The following CPM variants were observed in gnomAD, a reference collection of about 807,000 sequenced individuals.
CPM encodes the protein carboxypeptidase M.
A neutral mutation model predicts 46.4 loss-of-function variants in CPM; 35 were observed. That is an observed-to-expected ratio of 0.75 (90% CI 0.58 to 1.00). The LOEUF is 1.00. CPM is among the 50% of genes least tolerant of loss of function. CPM has a pLI of 0.00. For synonymous variants in CPM, 195 were observed against 195.3 expected (o/e 1.00, Z 0.01); for missense variants, 422 against 530.4 (o/e 0.80, Z 2.01).
chr12:68,877,426 G>A (rs375502560), intron 3 of CPM, among the ~76,000 whole-genome samples: 1 of 152,154 alleles, frequency 6.6e-6, no homozygotes, highest in Non-Finnish European at 1.5e-5. Context: ...ATTCACATGA[G>A]GACTTAAGGT....
chr12:68,909,785 C>G (rs572116571), intron 2 of CPM, among the ~76,000 whole-genome samples: 4 of 134,832 alleles, frequency 3.0e-5, no homozygotes, highest in South Asian at 4.7e-4. Context: ...AGTTGAACAA[C>G]GAGAACACAT....
chr12:68,931,545 C>A (rs1888499961), intron 2 of CPM, among the ~76,000 whole-genome samples: 1 of 151,694 alleles, frequency 6.6e-6, no homozygotes, highest in African/African-American at 2.4e-5. Flanking sequence ...GAGTTTGAGA[C>A]CAGCCTGGCC....
chr12:68,866,887 T>G lies in CPM; in HGVS notation c.940+9A>C, dbSNP rs1885473359. 1 of 1,607,238 alleles carries G rather than the reference T, an allele frequency of 6.2e-7. No individual in the cohort carries two copies. The highest frequency in any genetic ancestry group is 2.2e-5 in the East Asian group (1 of 44,830). On this transcript the variant is annotated intron_variant, in intron 7 of 8. Coordinates refer to ENST00000551568, the MANE Select transcript of CPM (RefSeq NM_198320.5). ...ATTAATAGGGAATTAATAAGAAAAT[T>G]TTACAAACCTAGGTGCACCTGCTTT...
downstream of CPM, chr12:68,847,140 TATATTAC>T (rs1423269966): frequency 1.2e-4 from 13 of 112,214 alleles, no homozygotes; most frequent in African/African-American, 4.6e-4. Flanking sequence ...ATAATATACA[TATATTAC>T]ATATATATAT....
At chr12:68,906,796 T>A (rs1467804254) in intron 2 of CPM, among the ~76,000 whole-genome samples, 3 of 152,236 alleles carry the variant, frequency 2.0e-5, no homozygotes, top group African/African-American at 7.2e-5. Flanking sequence ...AAACACACAT[T>A]TGTGTAGACA....
intron 2 of CPM, among the ~76,000 whole-genome samples, chr12:68,901,532 G>GA (rs780761361): frequency 6.6e-5 from 10 of 151,890 alleles, no homozygotes; most frequent in South Asian, 4.2e-4. Context: ...TCTCTATTTG[G>GA]AAAAAAAATC....
Position 68,856,451 on chromosome 12 carries a change from T to G in CPM, c.1318A>C (p.Ile440Leu). The change falls in exon 9 of 9, where the codon ATA becomes CTA. Residue 440 changes from isoleucine (I) to leucine (L), a missense_variant. Coordinates refer to ENST00000551568, the MANE Select transcript of CPM (RefSeq NM_198320.5). ...CACATTTTACTTTATTTGAAGAATA[T>G]GTGCAAAAGACTCACTAAAAATAAG... ...LFLFLVSLLH[I>L]FFK 1 of 1,613,494 alleles carries G rather than the reference T, an allele frequency of 6.2e-7. No homozygotes were observed. Among genetic ancestry groups the G allele is most frequent in the Admixed American group, 1.7e-5 (1 of 59,842 alleles).
rs535050655 is a variant in CPM, at chr12:68,942,022, C to G, written c.-3-9182G>C. Among the ~76,000 whole-genome samples, 8 of 152,330 alleles carry G rather than the reference C, an allele frequency of 5.3e-5. No individual in the cohort carries two copies. In the South Asian group the frequency reaches 1.7e-3, roughly 32 times the overall value. The stretch of plus-strand genomic sequence containing the variant: ...CGGGTGATGTCTAAACAGTGGGACT[C>G]AGAGATTGAAAGAATATGTCTCAAC... On this transcript the variant is annotated intron_variant, in intron 1 of 8. Transcript: ENST00000546373.
chr12:68,858,893 TAATAAC>T, intron 8 of CPM, 24 bp downstream of exon 8: 1 of 1,337,674 alleles, frequency 7.5e-7, no homozygotes. Flanking sequence ...TATAATATTT[TAATAAC>T]AATAACTAGC....
At chr12:68,887,718 A>C (rs1886491024) in intron 2 of CPM, among the ~76,000 whole-genome samples, 1 of 152,180 alleles carries the variant, frequency 6.6e-6, no homozygotes, top group Non-Finnish European at 1.5e-5. Flanking sequence ...TAATAGTAAC[A>C]CACAAGCATA....
At chr12:68,871,258 A>G (rs960683434) in intron 4 of CPM, among the ~76,000 whole-genome samples, 1 of 152,196 alleles carries the variant, frequency 6.6e-6, no homozygotes, top group African/African-American at 2.4e-5. Context: ...CGGATCTAAC[A>G]ACGACAAACA....
intron 5 of CPM, chr12:68,842,558 C>T (rs1324471102): frequency 2.9e-6 from 1 of 345,342 alleles, no homozygotes; most frequent in African/African-American, 2.1e-5. Context: ...TGTTTGATCG[C>T]ATCTCATTGT....
rs1884868078 is a variant in CPM at position 68,854,434 on chromosome 12, T to C, written c.*2003A>G. The C allele has an allele frequency of 6.6e-6, 1 of 152,150 alleles. No individual in the cohort carries two copies. The highest frequency in any genetic ancestry group is 1.5e-5 in the Non-Finnish European group (1 of 68,020). The allele number at this position is 152,150 out of a possible 1,614,324, so 9.4% of individuals were successfully genotyped here. On this transcript the variant is annotated 3_prime_UTR_variant, in exon 9 of 9. Transcript: ENST00000551568. Reference sequence around the variant, plus strand: ...GAAGATTATAATACAATGTTGTAAATCCAATAGTAGAGATAACCAGTTTAT... The same window carrying C: ...GAAGATTATAATACAATGTTGTAAACCCAATAGTAGAGATAACCAGTTTAT...
chr12:68,869,333 G>A lies in CPM; in HGVS notation c.779C>T (p.Pro260Leu). Residue 260 changes from proline (P) to leucine (L), a missense_variant, in exon 6 of 9, where the codon CCA (proline) becomes CTA (leucine). Pro to Leu is a moderately conservative substitution (Grantham distance 98). Transcript: ENST00000551568. ...AATGAAGAGAAACTCACCTTGGAGT[G>A]GATACCAAGAGTATCCATTTGTAAC... ...NGVTNGYSWY[P>L]LQGGMQDYNY... 1 of 1,612,284 alleles carries A rather than the reference G, an allele frequency of 6.2e-7. No homozygotes were observed. The highest frequency in any genetic ancestry group is 1.1e-5 in the South Asian group (1 of 90,662).
intron 2 of CPM, among the ~76,000 whole-genome samples, chr12:68,886,600 C>T (rs1886443310): frequency 6.6e-6 from 1 of 152,168 alleles, no homozygotes; most frequent in East Asian, 1.9e-4. Context: ...CCACTGCATT[C>T]CAGCCCTGGC....
intron 7 of CPM, among the ~76,000 whole-genome samples, chr12:68,864,739 C>T (rs970279247): frequency 8.6e-5 from 13 of 152,024 alleles, no homozygotes; most frequent in East Asian, 1.9e-4. Flanking sequence ...GAGCCAGTCA[C>T]GGTGGCTCAC....
rs1371604660 is a variant in CPM, at chr12:68,851,267, C to G, written c.*5170G>C. On this transcript the variant is annotated 3_prime_UTR_variant, in exon 9 of 9. Transcript: ENST00000551568. ...CATGGCCTCTCCCCAATAAACTTTA[C>G]AGTCTTAGACAATTTGTGCATTTTA... 6.6e-6 allele frequency: 1 copy of G among 152,536 alleles called. No individual in the cohort carries two copies. The highest frequency in any genetic ancestry group is 1.9e-4 in the East Asian group (1 of 5,200). 9.4% of individuals were successfully genotyped at this position (152,536 alleles called of 1,614,324 possible). A position where few individuals can be genotyped will look rare whatever the true frequency, so the allele number is the denominator to read the frequency against.
upstream of CPM, among the ~76,000 whole-genome samples, chr12:68,936,379 TTC>T (rs1888672395): frequency 6.6e-6 from 1 of 151,970 alleles, no homozygotes; most frequent in Admixed American, 6.6e-5. Flanking sequence ...AGAGGTGATC[TTC>T]TTTCTTTCTT....
intron 1 of CPM, among the ~76,000 whole-genome samples, chr12:68,960,628 A>G (rs1372951845): frequency 2.6e-5 from 4 of 152,228 alleles, no homozygotes; most frequent in Middle Eastern, 3.2e-3. Flanking sequence ...GACCAGCAAG[A>G]TAATTCGCAG....
Sources: gnomAD v4.1 joint callset for allele counts (sites outside exome capture counted in the v4.1 genomes callset) on GRCh38, gnomAD v4.1.1 for gene constraint, MANE v1.5 for transcripts, NCBI Gene and HGNC (gene_info 2026-07-23, HGNC 2026-07-21) for gene names.